Variants in ARK2N observed in about 807,000 individuals in gnomAD.
The protein encoded by ARK2N is arkadia (RNF111) N-terminal like PKA signaling regulator 2N.
chr18:46,179,977 A>G, the ARK2N span, among the ~76,000 whole-genome samples: 11 of 152,294 alleles, frequency 7.2e-5, no homozygotes, highest in African/African-American at 2.6e-4. Flanking sequence ...TATGTGATCT[A>G]TGTGTTATAC....
At chr18:46,220,001 C>G in the ARK2N span, among the ~76,000 whole-genome samples, 55 of 152,188 alleles carry the variant, frequency 3.6e-4, 1 homozygote, top group African/African-American at 1.3e-3. Context: ...ATACGTGCAT[C>G]GGTGTACATG....
the ARK2N span, chr18:46,253,616 A>G: frequency 2.1e-5 from 31 of 1,497,484 alleles, no homozygotes; most frequent in Non-Finnish European, 2.8e-5. Context: ...CCTAGATGAC[A>G]AATCTGTCAA....
At chr18:46,250,083 T>C in the ARK2N span, among the ~76,000 whole-genome samples, 4 of 152,144 alleles carry the variant, frequency 2.6e-5, no homozygotes. Context: ...AGGATGATCT[T>C]TATTCTCTCA....
At chr18:46,237,118 C>T in the ARK2N span, among the ~76,000 whole-genome samples, 1 of 152,092 alleles carries the variant, frequency 6.6e-6, no homozygotes, top group African/African-American at 2.4e-5. Context: ...CTGCATCAGC[C>T]TCCCAAAGTG....
chr18:46,178,455 G>A, the ARK2N span, among the ~76,000 whole-genome samples: 5 of 152,182 alleles, frequency 3.3e-5, no homozygotes, highest in Non-Finnish European at 5.9e-5. Context: ...TGGGATTGCA[G>A]GCATGTGCCG....
chr18:46,240,569 G>C, the ARK2N span, among the ~76,000 whole-genome samples: 1 of 152,158 alleles, frequency 6.6e-6, no homozygotes, highest in Non-Finnish European at 1.5e-5. Flanking sequence ...ATAGGGAATC[G>C]TTGAATCTCT....
the ARK2N span, among the ~76,000 whole-genome samples, chr18:46,205,763 G>A: frequency 6.6e-6 from 1 of 152,212 alleles, no homozygotes; most frequent in East Asian, 1.9e-4. Context: ...TGTTGCCCAG[G>A]CAGGCATTAT....
At chr18:46,229,034 A>G in the ARK2N span, 5,905 of 376,974 alleles carry the variant, frequency 0.016, 75 homozygotes, top group Middle Eastern at 0.044. Flanking sequence ...CACTGATTAA[A>G]TTCTTAGAAC....
the ARK2N span, among the ~76,000 whole-genome samples, chr18:46,248,865 G>C: frequency 6.6e-6 from 1 of 152,186 alleles, no homozygotes; most frequent in African/African-American, 2.4e-5. Flanking sequence ...TTACAGGCGT[G>C]AGCCACTGCG....
the ARK2N span, among the ~76,000 whole-genome samples, chr18:46,195,997 T>G: frequency 6.6e-6 from 1 of 151,722 alleles, no homozygotes; most frequent in Admixed American, 6.6e-5. Flanking sequence ...TTTTTTTTTT[T>G]GAGACAGAGT....
chr18:46,177,022 A>G, the ARK2N span, among the ~76,000 whole-genome samples: 1 of 152,116 alleles, frequency 6.6e-6, no homozygotes, highest in African/African-American at 2.4e-5. Context: ...AAGTGTTGGG[A>G]TTAGAGTTGT....
chr18:46,187,361 A>G, the ARK2N span, among the ~76,000 whole-genome samples: 2 of 136,322 alleles, frequency 1.5e-5, no homozygotes, highest in East Asian at 4.5e-4. Flanking sequence ...TTTTTTTTTG[A>G]GACGGAGTCT....
chr18:46,208,630 C>G, the ARK2N span, among the ~76,000 whole-genome samples: 4 of 151,976 alleles, frequency 2.6e-5, no homozygotes, highest in Non-Finnish European at 5.9e-5. Context: ...CCACCATGCC[C>G]AGCTAATTTT....
At chr18:46,257,766 A>G in the ARK2N span, among the ~76,000 whole-genome samples, 1 of 151,874 alleles carries the variant, frequency 6.6e-6, no homozygotes, top group Admixed American at 6.6e-5. Context: ...TCTGTATGTT[A>G]TGGAACCGTG....
At chr18:46,231,552 T>A in the ARK2N span, among the ~76,000 whole-genome samples, 2 of 147,900 alleles carry the variant, frequency 1.4e-5, no homozygotes, top group Admixed American at 1.4e-4. Context: ...TTAAAAATGA[T>A]TAAAGGTTTG....
the ARK2N span, among the ~76,000 whole-genome samples, chr18:46,184,930 A>T: frequency 1.3e-5 from 2 of 152,212 alleles, no homozygotes; most frequent in Non-Finnish European, 2.9e-5. Flanking sequence ...TACACACACA[A>T]TCACTTTAAA....
the ARK2N span, among the ~76,000 whole-genome samples, chr18:46,252,209 C>T: frequency 2.7e-5 from 4 of 150,916 alleles, no homozygotes; most frequent in African/African-American, 9.7e-5. Context: ...AAAAAAGGTA[C>T]AAGATTTCTC....
chr18:46,177,536 A>C, the ARK2N span, among the ~76,000 whole-genome samples: 1 of 143,924 alleles, frequency 6.9e-6, no homozygotes, highest in Middle Eastern at 3.7e-3. Flanking sequence ...GGTTCAAATG[A>C]TTCTTCCATG....
At chr18:46,204,894 T>G in the ARK2N span, among the ~76,000 whole-genome samples, 15 of 142,636 alleles carry the variant, frequency 1.1e-4, no homozygotes, top group African/African-American at 4.0e-4. Context: ...GTTTATTCGT[T>G]TTTTTTTTCC....
Sources: allele counts gnomAD v4.1 joint callset (sites outside exome capture counted in the v4.1 genomes callset), GRCh38; gene constraint gnomAD v4.1.1; transcripts MANE v1.5; gene names NCBI Gene and HGNC (gene_info 2026-07-23, HGNC 2026-07-21).